Variants in KMT2D observed in about 807,000 individuals in gnomAD.
KMT2D encodes the protein lysine methyltransferase 2D.
In KMT2D, 55 loss-of-function variants were observed where a neutral mutation model predicts 512.7. That is an observed-to-expected ratio of 0.11 (90% CI 0.09 to 0.13). KMT2D has a LOEUF of 0.13. Ranked by LOEUF, KMT2D falls within the 10% of genes least tolerant of loss-of-function variation. The probability of loss-of-function intolerance (pLI) is 1.00; values close to 1 mark genes in which losing one functional copy is unlikely to be tolerated. For missense variants in KMT2D, 6,061 were observed against 7,127.9 expected, an observed-to-expected ratio of 0.85 and a Z score of 5.39; for synonymous variants, 2,995 against 2,904.0, an observed-to-expected ratio of 1.03 and a Z score of -1.01.
At chr12:49,034,037 G>T (rs2120450399) in intron 39 of KMT2D, 30 bp downstream of exon 39, 1 of 1,597,732 alleles carries the variant, frequency 6.3e-7, no homozygotes. Context: ...CTGCCTTCTG[G>T]GTGCTAGGCT....
rs1256251134 is a variant in KMT2D at position 49,041,985 on chromosome 12, A to G, written c.6115T>C (p.Ser2039Pro). The G allele has an allele frequency of 6.2e-7, 1 of 1,612,154 alleles. No homozygotes were observed. The highest frequency in any genetic ancestry group is 8.5e-7 in the Non-Finnish European group (1 of 1,179,174). ...TTCATGATTTGTTTGCAACGGCTTG[A>G]CCAGTCTGGAGGGCAGAGAGAGTGA... ...PNLKQDYPDWSSRCKQIMKLW... is the reference protein window; with the variant it reads ...PNLKQDYPDWPSRCKQIMKLW... Residue 2039 changes from serine (S) to proline (P), a missense_variant, in exon 30 of 55, where the codon TCA (serine) becomes CCA (proline). Physicochemically the swap from Ser to Pro is moderately conservative, Grantham distance 74 (BLOSUM62 -1). This residue lies in a region of KMT2D where 640 missense variants were observed against 814.3 expected (regional missense o/e 0.79). Transcript: ENST00000301067. This position sits in a 1 kb window ranked among gnomAD's most constrained non-coding sequence, Gnocchi z 5.4.
Position 49,038,505 on chromosome 12 carries a change from G to C in KMT2D, c.8851C>G (p.His2951Asp). 3.1e-6 allele frequency: 5 copies of C among 1,606,816 alleles called. No individual in the cohort carries two copies. Among genetic ancestry groups the C allele is most frequent in the Non-Finnish European group, 4.3e-6 (5 of 1,174,806 alleles). Residue 2951 changes from histidine to aspartate, a missense_variant, in exon 35 of 55, where the codon CAC becomes GAC. By Grantham distance (81) the His-to-Asp change is moderately conservative (BLOSUM62 -1). Around this residue, in one of 16 missense-constraint regions of KMT2D, gnomAD observed 527 missense variants for 578.9 expected, o/e 0.91. Coordinates refer to ENST00000301067, the MANE Select transcript of KMT2D (RefSeq NM_003482.4). The surrounding 1 kb of genome is among the most constrained non-coding windows in gnomAD (Gnocchi z 5.7). ...GTTGGCAGGGTAGGACCCTTGGTGT[G>C]GGGTGTTGGATGAAGACTGTTGTTC... ...ELNNSLHPTP[H>D]TKGPTLPTGL...
At position 49,026,710 on chromosome 12, in the gene KMT2D, G is replaced by C. The variant is rs727503979; in HGVS notation, c.15256C>G (p.Arg5086Gly). 1.9e-6 allele frequency: 3 copies of C among 1,613,970 alleles called. No individual in the cohort carries two copies. The highest frequency in any genetic ancestry group is 2.5e-6 in the Non-Finnish European group (3 of 1,179,886). ...ALMNVEVALH[R>G]GLLTKCSLCQ... ...AGGGAGCACTTGGTTAGCAGTCCTCGGTGCAGGGCAACCTCCACATTCATC... is the reference window on the plus strand; with the variant it reads ...AGGGAGCACTTGGTTAGCAGTCCTCCGTGCAGGGCAACCTCCACATTCATC... Residue 5086 changes from arginine (R) to glycine (G), a missense_variant, in exon 49 of 55, where the codon CGA becomes GGA. Arg to Gly is a moderately radical substitution (Grantham distance 125). Coordinates refer to ENST00000301067, the MANE Select transcript of KMT2D (RefSeq NM_003482.4). The surrounding 1 kb of genome is among the most constrained non-coding windows in gnomAD (Gnocchi z 9.6).
At chr12:49,029,275 C>T (rs1411003184) in intron 44 of KMT2D, 39 bp from the exon 45 acceptor site, 1 of 1,602,852 alleles carries the variant, frequency 6.2e-7, no homozygotes, top group Non-Finnish European at 8.5e-7. Context: ...TACAGCCCTG[C>T]AGACTCCCCT....
rs1938061880 is a variant in KMT2D at position 49,051,821 on chromosome 12, G to A, written c.1862C>T (p.Pro621Leu). 6.2e-7 allele frequency: 1 copy of A among 1,613,170 alleles called. No individual in the cohort carries two copies. Among genetic ancestry groups the A allele is most frequent in the Non-Finnish European group, 8.5e-7 (1 of 1,179,408 alleles). Residue 621 changes from proline (P) to leucine (L), a missense_variant, in exon 11 of 55, where the codon CCT (proline) becomes CTT (leucine). Physicochemically the swap from Pro to Leu is moderately conservative, Grantham distance 98. Transcript: ENST00000301067. ...PPEESPLSPP[P>L]EASRLSPPPE... ...TGGTGGGGACAGGCGTGATGCCTCA[G>A]GTGGTGGGGAAAGGGGAGACTCCTC...
rs1460238091 is a variant in KMT2D at position 49,054,595 on chromosome 12, G to A, written c.333C>T (p.Pro111=). The A allele has an allele frequency of 6.2e-6, 10 of 1,613,038 alleles. No individual in the cohort carries two copies. The highest frequency in any genetic ancestry group is 1.1e-5 in the South Asian group (1 of 90,906). The change falls in exon 4 of 55, where the codon CCC becomes CCT. Residue 111 remains proline, a synonymous_variant. Transcript: ENST00000301067. The surrounding 1 kb of genome is among the most constrained non-coding windows in gnomAD (Gnocchi z 6.4). ...GSPGPNEAVL[P]SEDLSQIGFP... ...AACCAATCTGTGATAGGTCCTCACTGGGCAGCACTGCCTCATTGGGCCCTG... is the reference window on the plus strand; with the variant it reads ...AACCAATCTGTGATAGGTCCTCACTAGGCAGCACTGCCTCATTGGGCCCTG...
chr12:49,030,383 T>C lies in KMT2D; in HGVS notation c.13896A>G (p.Pro4632=), dbSNP rs764217424. Residue 4632 remains proline (P), a synonymous_variant, in exon 43 of 55, where the codon CCA becomes CCG. Transcript: ENST00000301067. The part of the protein sequence containing the change: ...PPSSLPPTPP[P]SVQQKMVNGV... ...CATTCACCATCTTCTGCTGCACCGA[T>C]GGGGGTGGGGTGGGGGGCAGCGACG... 9 of 728,646 alleles carry C rather than the reference T, an allele frequency of 1.2e-5. No homozygotes were observed. The highest frequency in any genetic ancestry group is 2.1e-5 in the Admixed American group (1 of 46,624). The allele number at this position is 728,646 out of a possible 1,614,324, so 45.1% of individuals were successfully genotyped here.
At chr12:49,045,512 C>T (rs1041826837) in intron 19 of KMT2D, among the ~76,000 whole-genome samples, 3 of 151,942 alleles carry the variant, frequency 2.0e-5, no homozygotes, top group African/African-American at 2.4e-5. Context: ...GGCGTGGTGG[C>T]GGGCACCTGT....
Position 49,041,099 on chromosome 12 carries a change from C to A in KMT2D, c.6671G>T (p.Gly2224Val), listed in dbSNP as rs1367216459. The A allele has an allele frequency of 6.5e-7, 1 of 1,531,824 alleles. No homozygotes were observed. The highest frequency in any genetic ancestry group is 2.3e-5 in the East Asian group (1 of 44,318). 94.9% of individuals were successfully genotyped at this position (1,531,824 alleles called of 1,614,324 possible). ...GCCAGGTGGGGTAGTGTGGAATTCCCCTGGCTGGCCAGCCCCAGGACGAGA... is the reference window on the plus strand; with the variant it reads ...GCCAGGTGGGGTAGTGTGGAATTCCACTGGCTGGCCAGCCCCAGGACGAGA... Reference protein sequence around the residue: ...ASSRPGAGQPGEFHTTPPGTP... With the variant: ...ASSRPGAGQPVEFHTTPPGTP... Residue 2224 changes from glycine (G) to valine (V), a missense_variant, in exon 32 of 55, where the codon GGG (glycine) becomes GTG (valine). Physicochemically the swap from Gly to Val is moderately radical, Grantham distance 109 (BLOSUM62 -3). Coordinates refer to ENST00000301067, the MANE Select transcript of KMT2D (RefSeq NM_003482.4). This position sits in a 1 kb window ranked among gnomAD's most constrained non-coding sequence, Gnocchi z 5.4.
rs1269930879 is a variant in KMT2D, at chr12:49,039,974, C to A, written c.7796G>T (p.Gly2599Val). 9 of 1,613,792 alleles carry A rather than the reference C, an allele frequency of 5.6e-6. No individual in the cohort carries two copies. The highest frequency in any genetic ancestry group is 7.6e-6 in the Non-Finnish European group (9 of 1,179,810). ...PSGSPLGPSSGSTGESYGLSP... is the reference protein window; with the variant it reads ...PSGSPLGPSSVSTGESYGLSP... ...CAGCCCATAGCTCTCCCCTGTGGAC[C>A]CGCTGCTGGGCCCCAGGGGGCTGCC... The change falls in exon 32 of 55, where the codon GGG (glycine) becomes GTG (valine). Residue 2599 changes from glycine to valine, a missense_variant. Physicochemically the swap from Gly to Val is moderately radical, Grantham distance 109 (BLOSUM62 -3). This residue lies in a region of KMT2D where 527 missense variants were observed against 578.9 expected (regional missense o/e 0.91). Coordinates refer to ENST00000301067, the MANE Select transcript of KMT2D (RefSeq NM_003482.4). The surrounding 1 kb of genome is among the most constrained non-coding windows in gnomAD (Gnocchi z 5.0).
chr12:49,055,914 C>G (rs539033714), intron 1 of KMT2D, among the ~76,000 whole-genome samples: 1 of 152,150 alleles, frequency 6.6e-6, no homozygotes, highest in Non-Finnish European at 1.5e-5. Flanking sequence ...TCTCCCCCAC[C>G]GCCACTTGTT....
In KMT2D at chr12:49,049,975, C is replaced by A. The variant is rs748757592; in HGVS notation, c.3613G>T (p.Val1205Phe). The A allele has an allele frequency of 6.2e-7, 1 of 1,613,954 alleles. No homozygotes were observed. Among genetic ancestry groups the A allele is most frequent in the East Asian group, 2.2e-5 (1 of 44,884 alleles). Residue 1205 changes from valine (V) to phenylalanine (F), a missense_variant, in exon 12 of 55, where the codon GTT becomes TTT. This residue lies in a region of KMT2D where 447 missense variants were observed against 500.1 expected (regional missense o/e 0.89). Transcript: ENST00000301067. ...TPPTLIKSDI[V>F]NEISNLSQGD... is the part of the protein sequence containing the mutation. Reference sequence around the variant, plus strand: ...TGGCTCAGATTAGAGATCTCGTTAACGATGTCGGATTTGATGAGAGTGGGT... The same window carrying A: ...TGGCTCAGATTAGAGATCTCGTTAAAGATGTCGGATTTGATGAGAGTGGGT...
intron 43 of KMT2D, 126 bp from the exon 44 acceptor site, chr12:49,029,602 A>C: frequency 1.5e-6 from 1 of 670,696 alleles, no homozygotes; most frequent in Non-Finnish European, 2.6e-6. Flanking sequence ...CCTCCCACCT[A>C]CCAGTTTGGG....
chr12:49,032,590 C>T lies in KMT2D; in HGVS notation c.12115G>A (p.Glu4039Lys), dbSNP rs2120432747. Residue 4039 changes from glutamate (E) to lysine (K), a missense_variant, in exon 40 of 55, where the codon GAG becomes AAG. Physicochemically the swap from Glu to Lys is moderately conservative, Grantham distance 56 (BLOSUM62 1). Coordinates refer to ENST00000301067, the MANE Select transcript of KMT2D (RefSeq NM_003482.4). The part of the protein sequence containing the change: ...VDPAVSSEAT[E>K]GPSTHQGGPL... The stretch of plus-strand genomic sequence containing the variant: ...CCTCCCTGATGTGTAGAGGGCCCCT[C>T]AGTGGCCTCTGAAGAAACGGCTGGG... 6.2e-7 allele frequency: 1 copy of T among 1,613,896 alleles called. No individual in the cohort carries two copies. Among genetic ancestry groups the T allele is most frequent in the Non-Finnish European group, 8.5e-7 (1 of 1,179,846 alleles).
At position 49,026,987 on chromosome 12, in the gene KMT2D, C is replaced by G. The variant is rs772273923; in HGVS notation, c.14979G>C (p.Leu4993=). 6.2e-7 allele frequency: 1 copy of G among 1,614,034 alleles called. No homozygotes were observed. Among genetic ancestry groups the G allele is most frequent in the Non-Finnish European group, 8.5e-7 (1 of 1,179,906 alleles). ...GCCCACTGCCCTTCTGGATGGTCAG[C>G]AGCAGCCGAAGCCGCTTCCAGCGCA... The part of the protein sequence containing the change: ...KGVRWKRLRL[L]LTIQKGSGRQ... Residue 4993 remains leucine (L), a synonymous_variant, in exon 49 of 55, where the codon CTG becomes CTC. Transcript: ENST00000301067. This position sits in a 1 kb window ranked among gnomAD's most constrained non-coding sequence, Gnocchi z 9.6.
In KMT2D at chr12:49,034,631, C is replaced by G. The variant is rs991074174; in HGVS notation, c.10391G>C (p.Gly3464Ala). Reference protein sequence around the residue: ...QVSLLAQRLSGGPSSDLQNHV... With the variant: ...QVSLLAQRLSAGPSSDLQNHV... ...GTTCTGCAGATCACTGCTAGGTCCC[C>G]CCGAGAGCCTCTGGGCTAGCAGAGA... The change falls in exon 37 of 55, where the codon GGG becomes GCG. Residue 3464 changes from glycine to alanine, a missense_variant. Transcript: ENST00000301067. 1.9e-6 allele frequency: 3 copies of G among 1,613,558 alleles called. No individual in the cohort carries two copies. The highest frequency in any genetic ancestry group is 2.5e-6 in the Non-Finnish European group (3 of 1,179,746).
chr12:49,019,004 T>C lies in KMT2D; in HGVS notation c.*2776A>G. The C allele has an allele frequency of 7.1e-7, 1 of 1,399,700 alleles. No homozygotes were observed. The highest frequency in any genetic ancestry group is 9.3e-7 in the Non-Finnish European group (1 of 1,080,838). 86.7% of individuals were successfully genotyped at this position (1,399,700 alleles called of 1,614,324 possible). A position where few individuals can be genotyped will look rare whatever the true frequency, so the allele number is the denominator to read the frequency against. Reference sequence around the variant, plus strand: ...ATTTAAAATGTTCTTTTTTTATTTGTCGTTTAAAAACAAACTTGGAAGAAG... The same window carrying C: ...ATTTAAAATGTTCTTTTTTTATTTGCCGTTTAAAAACAAACTTGGAAGAAG... On this transcript the variant is annotated 3_prime_UTR_variant, in exon 55 of 55. Transcript: ENST00000301067.
At position 49,022,510 on chromosome 12, in the gene KMT2D, C is replaced by G. The variant is rs2137705660; in HGVS notation, c.16338+80G>C. On this transcript the variant is annotated intron_variant, in intron 52 of 54. Transcript: ENST00000301067. The surrounding 1 kb of genome is among the most constrained non-coding windows in gnomAD (Gnocchi z 8.6). ...TCTCCCCACCACAGCTTTCCTCCTG[C>G]TCTCCTGTGACCAATCCTGCCCTTG... 6.4e-7 allele frequency: 1 copy of G among 1,553,224 alleles called. No homozygotes were observed. The highest frequency in any genetic ancestry group is 8.8e-7 in the Non-Finnish European group (1 of 1,137,928).
chr12:49,026,693 C>T lies in KMT2D; in HGVS notation c.15273G>A (p.Lys5091=), dbSNP rs398123727. The change falls in exon 49 of 55, where the codon AAG becomes AAA. Residue 5091 remains lysine, a synonymous_variant. Transcript: ENST00000301067. The surrounding 1 kb of genome is among the most constrained non-coding windows in gnomAD (Gnocchi z 9.6). ...EVALHRGLLT[K]CSLCQRTGAT... ...CACCAGTTCGCTGGCACAGGGAGCA[C>T]TTGGTTAGCAGTCCTCGGTGCAGGG... 121 of 1,613,898 alleles carry T rather than the reference C, an allele frequency of 7.5e-5. No individual in the cohort carries two copies. Among genetic ancestry groups the T allele is most frequent in the Non-Finnish European group, 9.8e-5 (116 of 1,179,908 alleles).
Sources: allele counts gnomAD v4.1 joint callset (sites outside exome capture counted in the v4.1 genomes callset), GRCh38; gene constraint gnomAD v4.1.1; regional missense constraint gnomAD v4.1.1; non-coding constraint Gnocchi (gnomAD v3.1); transcripts MANE v1.5; gene names NCBI Gene and HGNC (gene_info 2026-07-23, HGNC 2026-07-21).